Variants in INPP5A observed in about 807,000 individuals in gnomAD.
The protein encoded by INPP5A is 43 kDa inositol polyphosphate 5-phophatase.
In INPP5A, 14 loss-of-function variants were observed where a neutral mutation model predicts 65.2. That is an observed-to-expected ratio of 0.21 (90% confidence interval 0.14 to 0.34). INPP5A has a LOEUF of 0.34. INPP5A is among the 10% of genes least tolerant of loss of function. The pLI is 1.00. For missense variants in INPP5A, 431 were observed against 545.6 expected (o/e 0.79, Z 2.09); for synonymous variants, 207 against 208.3 (o/e 0.99, Z 0.05).
At chr10:132,564,133 G>A (rs139961554) in intron 1 of INPP5A, among the ~76,000 whole-genome samples, 14 of 152,220 alleles carry the variant, frequency 9.2e-5, no homozygotes, top group Admixed American at 7.8e-4. Context: ...CTCACCTCAC[G>A]ATTTTTTGTC....
At chr10:132,768,053 AG>A (rs1223382634) in intron 12 of INPP5A, among the ~76,000 whole-genome samples, 9 of 138,908 alleles carry the variant, frequency 6.5e-5, no homozygotes, top group African/African-American at 8.2e-5. Context: ...CAGCGTTCCC[AG>A]GGTGCCCACG....
intron 12 of INPP5A, among the ~76,000 whole-genome samples, chr10:132,771,646 G>T (rs992826701): frequency 2.0e-5 from 3 of 148,402 alleles, no homozygotes; most frequent in Admixed American, 1.3e-4. Flanking sequence ...CGGAGGCCCC[G>T]GCAGCCGCCC....
chr10:132,661,182 C>G (rs1304363253), intron 4 of INPP5A, among the ~76,000 whole-genome samples: 2 of 152,180 alleles, frequency 1.3e-5, no homozygotes, highest in Non-Finnish European at 2.9e-5. Context: ...CAATCCAGCA[C>G]CATGTGTAAA....
intron 1 of INPP5A, among the ~76,000 whole-genome samples, chr10:132,607,544 A>G (rs1264117125): frequency 2.0e-5 from 3 of 152,142 alleles, no homozygotes; most frequent in East Asian, 1.9e-4. Context: ...GAAAGGTGCC[A>G]CCGTCTTGCT....
intron 1 of INPP5A, among the ~76,000 whole-genome samples, chr10:132,578,647 G>A (rs138927409): frequency 1.3e-4 from 20 of 149,638 alleles, no homozygotes; most frequent in African/African-American, 3.9e-4. Context: ...GTGTGCGGGG[G>A]CTGGGTCTGG....
At chr10:132,652,481 C>T (rs918972603) in intron 4 of INPP5A, among the ~76,000 whole-genome samples, 2 of 152,192 alleles carry the variant, frequency 1.3e-5, no homozygotes, top group African/African-American at 2.4e-5. Flanking sequence ...AGCTTCAAGC[C>T]GAATAAACAT....
At chr10:132,714,633 G>A (rs148630730) in intron 8 of INPP5A, among the ~76,000 whole-genome samples, 60 of 152,354 alleles carry the variant, frequency 3.9e-4, no homozygotes, top group African/African-American at 1.4e-3. Flanking sequence ...CCCTGGAGGA[G>A]GATGCAGGCC....
intron 2 of INPP5A, among the ~76,000 whole-genome samples, chr10:132,624,625 T>G (rs1590875601): frequency 6.6e-6 from 1 of 152,348 alleles, no homozygotes; most frequent in African/African-American, 2.4e-5. Flanking sequence ...ACCTGTTTGG[T>G]GCCTGGCATG....
At chr10:132,583,853 G>C (rs1019722020) in intron 1 of INPP5A, among the ~76,000 whole-genome samples, 2 of 152,150 alleles carry the variant, frequency 1.3e-5, no homozygotes, top group African/African-American at 4.8e-5. Context: ...AGGCCAAGGG[G>C]GGCGGATAGC....
chr10:132,709,986 G>A (rs368267402), intron 7 of INPP5A, among the ~76,000 whole-genome samples: 1 of 152,244 alleles, frequency 6.6e-6, no homozygotes. Flanking sequence ...GGGTGCAGCC[G>A]GCAGCCCTGA....
rs1050940602 is a variant in INPP5A at position 132,637,320 on chromosome 10, C to G, written c.118-8548C>G. On this transcript the variant is annotated intron_variant, in intron 2 of 15. Transcript: ENST00000368594. The surrounding 1 kb of genome is among the most constrained non-coding windows in gnomAD (Gnocchi z 4.1). ...TTAATTTTCTGAAGTATTCAGTGAGCCTTTCAGTGTATAAGTGCGGGTCTT... is the reference window on the plus strand; with the variant it reads ...TTAATTTTCTGAAGTATTCAGTGAGGCTTTCAGTGTATAAGTGCGGGTCTT... Among the ~76,000 whole-genome samples the G allele has an allele frequency of 2.0e-5, 3 of 152,138 alleles. No individual in the cohort carries two copies. The highest frequency in any genetic ancestry group is 7.2e-5 in the African/African-American group (3 of 41,432).
At chr10:132,620,853 T>A (rs1157553170) in intron 2 of INPP5A, among the ~76,000 whole-genome samples, 1 of 152,240 alleles carries the variant, frequency 6.6e-6, no homozygotes, top group Non-Finnish European at 1.5e-5. Context: ...TGATACTTTT[T>A]GAATTATTCT....
chr10:132,721,888 TTA>T (rs1845891520), intron 8 of INPP5A, among the ~76,000 whole-genome samples: 1 of 152,098 alleles, frequency 6.6e-6, no homozygotes, highest in Non-Finnish European at 1.5e-5. Context: ...GCTTGAGGCT[TTA>T]TGGGGGTAGA....
At chr10:132,657,753 G>A (rs1835554306) in intron 4 of INPP5A, among the ~76,000 whole-genome samples, 1 of 152,262 alleles carries the variant, frequency 6.6e-6, no homozygotes, top group Non-Finnish European at 1.5e-5. Flanking sequence ...GAAGGGGAAG[G>A]AAAGGCAAAC....
chr10:132,548,712 C>A lies in INPP5A; in HGVS notation c.75+10541C>A, dbSNP rs187877879. Among the ~76,000 whole-genome samples, 4 of 150,526 alleles carry A rather than the reference C, an allele frequency of 2.7e-5. No homozygotes were observed. In the East Asian group the frequency reaches 6.0e-4, roughly 22 times the overall value. ...AACCACAGGCTGTGTTGTTTTCATG[C>A]GTCTGGTTTCTTTGACTTAGCATAA... On this transcript the variant is annotated intron_variant, in intron 1 of 15. Transcript: ENST00000368594.
At position 132,782,005 on chromosome 10, in the gene INPP5A, G is replaced by T. The variant is rs954360627; in HGVS notation, c.*8-32G>T. The T allele has an allele frequency of 6.2e-7, 1 of 1,611,764 alleles. No individual in the cohort carries two copies. Among genetic ancestry groups the T allele is most frequent in the Admixed American group, 1.7e-5 (1 of 59,934 alleles). The stretch of plus-strand genomic sequence containing the variant: ...TTACGCAGCTTTTCCTGGTGCGTTT[G>T]TTCCTTTAACAAATTACGAATTCCG... On this transcript the variant is annotated intron_variant, in intron 15 of 15. Coordinates refer to ENST00000368594, the MANE Select transcript of INPP5A (RefSeq NM_005539.5). This position sits in a 1 kb window ranked among gnomAD's most constrained non-coding sequence, Gnocchi z 4.4.
chr10:132,638,758 G>T (rs2072389716), intron 2 of INPP5A, among the ~76,000 whole-genome samples: 1 of 151,984 alleles, frequency 6.6e-6, no homozygotes, highest in African/African-American at 2.4e-5. Context: ...AGTAGAGACG[G>T]GGTTTCACCA....
intron 1 of INPP5A, among the ~76,000 whole-genome samples, chr10:132,586,885 C>T (rs981167290): frequency 1.3e-5 from 2 of 152,218 alleles, no homozygotes; most frequent in African/African-American, 2.4e-5. Context: ...CGCAGCGCGG[C>T]GAGGCTGTGG....
chr10:132,569,775 A>T (rs1439390658), intron 1 of INPP5A, among the ~76,000 whole-genome samples: 1 of 149,902 alleles, frequency 6.7e-6, no homozygotes, highest in Non-Finnish European at 1.5e-5. Context: ...AAGTGCTGTG[A>T]TTACAGGTGT....
Sources: allele counts gnomAD v4.1 joint callset (sites outside exome capture counted in the v4.1 genomes callset), GRCh38; gene constraint gnomAD v4.1.1; non-coding constraint Gnocchi (gnomAD v3.1); transcripts MANE v1.5; gene names NCBI Gene and HGNC (gene_info 2026-07-23, HGNC 2026-07-21).